The following RNASE12 variants were observed in gnomAD, a reference collection of about 807,000 sequenced individuals.
The protein encoded by RNASE12 is ribonuclease A family member 12 (inactive).
For missense variants in RNASE12, 161 were observed against 177.6 expected (o/e 0.91, Z 0.53); for synonymous variants, 55 against 59.8 (o/e 0.92, Z 0.37).
At chr14:20,590,788 A>G (rs1884561262) in exon 1 of RNASE12, 24 of 1,576,614 alleles carry the variant, frequency 1.5e-5, no homozygotes, top group Non-Finnish European at 2.1e-5. Flanking sequence ...GATAGAAAGT[A>G]GCAAAGGACA....
upstream of RNASE12, chr14:20,591,319 A>G (rs1884576376): frequency 4.1e-6 from 4 of 984,452 alleles, no homozygotes; most frequent in South Asian, 9.4e-5. Context: ...ATTTGACAAA[A>G]TCGCTTGTGT....
At chr14:20,591,196 CCCAATTCCTT>C, upstream of RNASE12, 1 of 983,144 alleles carries the variant, frequency 1.0e-6, no homozygotes, top group Non-Finnish European at 1.2e-6. Context: ...ATCTATTCTT[CCCAATTCCTT>C]CCAAGTCCCT....
downstream of RNASE12, chr14:20,590,084 A>G (rs901882727): frequency 5.5e-6 from 6 of 1,092,420 alleles, no homozygotes; most frequent in African/African-American, 7.8e-5. Flanking sequence ...TTATGGTTTA[A>G]TTCAGTAAAG....
chr14:20,590,364 C>G (rs1487484454), exon 1 of RNASE12: 3 of 1,614,224 alleles, frequency 1.9e-6, no homozygotes, highest in African/African-American at 1.3e-5. Context: ...AATAGTGGTA[C>G]CTGCAGGCAG....
At chr14:20,590,447 C>G (rs775900814) in exon 1 of RNASE12, 4 of 1,614,064 alleles carry the variant, frequency 2.5e-6, no homozygotes, top group Non-Finnish European at 3.4e-6. Context: ...CAGAAAATGG[C>G]CGAAAGGTTT....
At chr14:20,590,351 G>A in exon 1 of RNASE12, 3 of 1,614,188 alleles carry the variant, frequency 1.9e-6, no homozygotes, top group Non-Finnish European at 2.5e-6. Flanking sequence ...CCCTCTGTGG[G>A]GGAATAGTGG....
downstream of RNASE12, chr14:20,590,192 C>G: frequency 3.9e-6 from 6 of 1,538,462 alleles, no homozygotes; most frequent in Non-Finnish European, 5.2e-6. Flanking sequence ...AGGCATTGCC[C>G]CATGTCCACG....
At chr14:20,590,987 G>A, upstream of RNASE12, 2 of 985,398 alleles carry the variant, frequency 2.0e-6, no homozygotes, top group Non-Finnish European at 2.4e-6. Flanking sequence ...AATTATTCCT[G>A]TTGTGTTTGT....
At chr14:20,590,109 G>A, downstream of RNASE12, 1 of 1,230,744 alleles carries the variant, frequency 8.1e-7, no homozygotes, top group Non-Finnish European at 1.1e-6. Flanking sequence ...TTTTATTGAA[G>A]CAGAATAAAA....
chr14:20,590,745 A>C lies in RNASE12; in HGVS notation c.-22T>G, dbSNP rs776484610. The C allele has an allele frequency of 6.2e-7, 1 of 1,605,086 alleles. No homozygotes were observed. The highest frequency in any genetic ancestry group is 1.3e-5 in the African/African-American group (1 of 74,806). On this transcript the variant is annotated 5_prime_UTR_variant, in exon 1 of 1. It removes an upstream start codon present in the reference 5' UTR. Coordinates refer to ENST00000556526, the Ensembl canonical transcript of RNASE12. ...TCATCAGAGGTAAGAGTGACTTCGC[A>C]TCTTTGGCTTTGACTGCTGTTGAGT...
exon 1 of RNASE12, chr14:20,590,475 G>A (rs766034328): frequency 6.2e-7 from 1 of 1,614,228 alleles, no homozygotes; most frequent in African/African-American, 1.3e-5. Context: ...CAACCTTCTT[G>A]GGAGAAATGC....
At chr14:20,590,719 A>G (rs1884558200) in exon 1 of RNASE12, 4 of 1,613,580 alleles carry the variant, frequency 2.5e-6, no homozygotes, top group Non-Finnish European at 3.4e-6. Flanking sequence ...CACCATTATT[A>G]TCATCAGAGG....
exon 1 of RNASE12, chr14:20,590,798 A>T (rs1309346608): frequency 2.5e-6 from 4 of 1,569,012 alleles, no homozygotes; most frequent in Non-Finnish European, 3.5e-6. Flanking sequence ...AGCAAAGGAC[A>T]GTCAGATTCC....
At chr14:20,590,142 G>T, downstream of RNASE12, 6 of 1,442,706 alleles carry the variant, frequency 4.2e-6, no homozygotes, top group Non-Finnish European at 4.6e-6. Flanking sequence ...AGCAATACAG[G>T]AAGGATAAAT....
chr14:20,590,893 A>AAT, upstream of RNASE12: 1 of 1,443,498 alleles, frequency 6.9e-7, no homozygotes, highest in Non-Finnish European at 9.1e-7. Flanking sequence ...CTGACCTTGC[A>AAT]AGATCCAGCT....
chr14:20,590,785 AG>A, exon 1 of RNASE12: 5 of 1,580,694 alleles, frequency 3.2e-6, no homozygotes, highest in Non-Finnish European at 4.3e-6. Context: ...GAAGATAGAA[AG>A]TAGCAAAGGA....
downstream of RNASE12, chr14:20,590,188 T>TG (rs1884537459): frequency 7.8e-6 from 12 of 1,534,658 alleles, no homozygotes; most frequent in Non-Finnish European, 1.0e-5. Flanking sequence ...CTCAAGGCAT[T>TG]GCCCCATGTC....
chr14:20,590,632 T>G (rs770716807), exon 1 of RNASE12: 4 of 1,614,284 alleles, frequency 2.5e-6, no homozygotes, highest in Middle Eastern at 1.6e-4. Flanking sequence ...GTAGTCCACA[T>G]GCAAGTGTTC....
At chr14:20,591,264 AT>A (rs1884575452), upstream of RNASE12, 16 of 985,010 alleles carry the variant, frequency 1.6e-5, no homozygotes, top group Non-Finnish European at 1.9e-5. Flanking sequence ...CTCACCTGTC[AT>A]TTTTCTGGTC....
Sources: gnomAD v4.1 joint callset for allele counts on GRCh38, gnomAD v4.1.1 for gene constraint, MANE v1.5 for transcripts, NCBI Gene and HGNC (gene_info 2026-07-23, HGNC 2026-07-21) for gene names.